The following YIPF7 variants were observed in gnomAD, a reference collection of about 807,000 sequenced individuals.
The protein encoded by YIPF7 is Yip1 domain family member 7.
Under a neutral mutation model 27.2 loss-of-function variants are expected in YIPF7, and 35 were observed. That is an observed-to-expected ratio of 1.29 (90% CI 0.98 to 1.70). The LOEUF is 1.70. YIPF7 is among the 40% of genes most tolerant of loss of function. YIPF7 has a pLI of 0.00. For missense variants in YIPF7, 358 were observed against 303.7 expected, an observed-to-expected ratio of 1.18 and a Z score of -1.33; for synonymous variants, 137 against 110.4, an observed-to-expected ratio of 1.24 and a Z score of -1.51.
intron 4 of YIPF7, among the ~76,000 whole-genome samples, chr4:44,626,551 T>G (rs1244576557): frequency 6.6e-6 from 1 of 152,090 alleles, no homozygotes; most frequent in Non-Finnish European, 1.5e-5. Context: ...AGTTGTGTCT[T>G]TTCATGGCAG....
At chr4:44,624,051 T>C (rs1370936339) in intron 5 of YIPF7, among the ~76,000 whole-genome samples, 1 of 146,956 alleles carries the variant, frequency 6.8e-6, no homozygotes, top group Non-Finnish European at 1.5e-5. Context: ...AGTTTTTTTT[T>C]CTCTCTCTCT....
chr4:44,624,333 G>A (rs1712547799), intron 5 of YIPF7, among the ~76,000 whole-genome samples: 1 of 151,942 alleles, frequency 6.6e-6, no homozygotes, highest in African/African-American at 2.4e-5. Context: ...CAAAGTGCTG[G>A]GATTACAAGC....
At chr4:44,646,345 T>A (rs1018449721) in intron 2 of YIPF7, among the ~76,000 whole-genome samples, 1 of 152,136 alleles carries the variant, frequency 6.6e-6, no homozygotes, top group Non-Finnish European at 1.5e-5. Flanking sequence ...TATACTCTGG[T>A]TGGTCTAGCT....
intron 2 of YIPF7, among the ~76,000 whole-genome samples, chr4:44,645,332 A>G (rs533208423): frequency 1.3e-5 from 2 of 152,198 alleles, no homozygotes; most frequent in African/African-American, 4.8e-5. Context: ...ATGAGTTTTC[A>G]TATATTCTTA....
intron 2 of YIPF7, among the ~76,000 whole-genome samples, chr4:44,638,799 A>C (rs1713224514): frequency 6.6e-6 from 1 of 152,082 alleles, no homozygotes; most frequent in African/African-American, 2.4e-5. Flanking sequence ...CCTATGTTTT[A>C]TTCAAGCATT....
intron 1 of YIPF7, among the ~76,000 whole-genome samples, chr4:44,650,494 T>TGCGCGC (rs72183782): frequency 1.5e-5 from 2 of 133,684 alleles, no homozygotes; most frequent in Admixed American, 1.5e-4. Context: ...CGCACACACA[T>TGCGCGC]GCGCGCGCGC....
intron 2 of YIPF7, among the ~76,000 whole-genome samples, chr4:44,636,751 G>T (rs568158619): frequency 6.6e-6 from 1 of 152,128 alleles, no homozygotes; most frequent in Admixed American, 6.5e-5. Flanking sequence ...TGGCTTTAGT[G>T]TCTCTTTATT....
At chr4:44,635,861 T>C (rs1713096379) in intron 3 of YIPF7, 61 bp downstream of exon 3, 2 of 1,558,508 alleles carry the variant, frequency 1.3e-6, no homozygotes, top group African/African-American at 2.7e-5. Flanking sequence ...ACACATTAAG[T>C]GCTAATTATT....
chr4:44,655,746 A>T (rs944625758), upstream of YIPF7, among the ~76,000 whole-genome samples: 1 of 151,990 alleles, frequency 6.6e-6, no homozygotes, highest in Non-Finnish European at 1.5e-5. Context: ...TATTCTTTAA[A>T]TGCTCTTTTT....
intron 2 of YIPF7, among the ~76,000 whole-genome samples, chr4:44,658,193 C>T (rs1210431491): frequency 1.3e-5 from 2 of 152,112 alleles, no homozygotes; most frequent in Non-Finnish European, 2.9e-5. Context: ...TGGGAGGTTA[C>T]TAAGTCATGA....
intron 2 of YIPF7, among the ~76,000 whole-genome samples, 173 bp from the exon 3 acceptor site, chr4:44,636,258 C>T (rs565923379): frequency 5.3e-5 from 8 of 152,248 alleles, no homozygotes; most frequent in African/African-American, 1.9e-4. Context: ...AATAACTGGT[C>T]ATCTAAAGCC....
rs1713524794 is a variant in YIPF7 at position 44,646,326 on chromosome 4, C to T, written c.116+3659G>A. Among the ~76,000 whole-genome samples the T allele has an allele frequency of 2.6e-5, 4 of 152,126 alleles. 1 individual carries two copies. In the South Asian group the frequency reaches 8.3e-4, roughly 32 times the overall value. On this transcript the variant is annotated intron_variant, in intron 2 of 5. Transcript: ENST00000415895. ...TGGTAGCTGGGATAGTTGGCTTCTG[C>T]AACATTCCTATACTCTGGTTGGTCT... is the stretch of plus-strand genomic sequence containing the variant.
At chr4:44,646,066 G>A (rs573312546) in intron 2 of YIPF7, among the ~76,000 whole-genome samples, 7 of 152,294 alleles carry the variant, frequency 4.6e-5, no homozygotes, top group Admixed American at 2.0e-4. Flanking sequence ...TCTAAAAGCA[G>A]AGATGTTGGT....
chr4:44,654,357 G>C (rs1713827323), upstream of YIPF7, among the ~76,000 whole-genome samples: 1 of 151,916 alleles, frequency 6.6e-6, no homozygotes, highest in Non-Finnish European at 1.5e-5. Context: ...GGCTGCATTA[G>C]GTGAATAAAG....
chr4:44,632,162 T>C (rs925305848), intron 3 of YIPF7, among the ~76,000 whole-genome samples: 1 of 152,196 alleles, frequency 6.6e-6, no homozygotes, highest in African/African-American at 2.4e-5. Context: ...ATATTGTGGT[T>C]TTTATTTATT....
At chr4:44,644,502 T>C (rs1179884704) in intron 2 of YIPF7, among the ~76,000 whole-genome samples, 1 of 152,228 alleles carries the variant, frequency 6.6e-6, no homozygotes, top group East Asian at 1.9e-4. Flanking sequence ...TAAACTTGCA[T>C]GGGACATTCC....
At chr4:44,636,195 T>C (rs990702452) in intron 2 of YIPF7, 110 bp from the exon 3 acceptor site, 31 of 1,160,486 alleles carry the variant, frequency 2.7e-5, no homozygotes, top group Non-Finnish European at 3.5e-5. Context: ...TATGAGTATT[T>C]ACTCATGAAA....
intron 2 of YIPF7, among the ~76,000 whole-genome samples, chr4:44,646,479 C>A (rs1713529234): frequency 6.6e-6 from 1 of 152,120 alleles, no homozygotes; most frequent in African/African-American, 2.4e-5. Flanking sequence ...GGGATTTTTC[C>A]AGTTGTTCAC....
intron 4 of YIPF7, among the ~76,000 whole-genome samples, chr4:44,625,319 T>G (rs1312620470): frequency 6.6e-6 from 1 of 152,156 alleles, no homozygotes; most frequent in East Asian, 1.9e-4. Context: ...GAAACTGAGG[T>G]GCAGAGATGA....
Sources: allele counts gnomAD v4.1 joint callset (sites outside exome capture counted in the v4.1 genomes callset), GRCh38; gene constraint gnomAD v4.1.1; transcripts MANE v1.5; gene names NCBI Gene and HGNC (gene_info 2026-07-23, HGNC 2026-07-21).